The following INTS9 variants were observed in gnomAD, a reference collection of about 807,000 sequenced individuals.
INTS9 encodes the protein integrator complex subunit 9, also known as protein related to CPSF subunits of 74 kDa.
A neutral mutation model predicts 79.7 loss-of-function variants in INTS9; 55 were observed. That is an observed-to-expected ratio of 0.69 (90% confidence interval 0.56 to 0.86). The LOEUF (loss-of-function observed/expected upper bound fraction) is 0.86. Among genes scored for constraint, INTS9 ranks in the 40% least tolerant of loss-of-function variants. The pLI is 0.00. For missense variants in INTS9, 721 were observed against 831.5 expected (o/e 0.87, Z 1.64); for synonymous variants, 319 against 325.2 (o/e 0.98, Z 0.20).
intron 16 of INTS9, chr8:28,769,573 T>C: frequency 4.7e-6 from 1 of 214,060 alleles, no homozygotes; most frequent in South Asian, 1.3e-4. Context: ...TGCAAGACTC[T>C]GGCAGGGCCG....
intron 1 of INTS9, among the ~76,000 whole-genome samples, chr8:28,867,715 G>A (rs1196977698): frequency 2.0e-5 from 3 of 148,960 alleles, no homozygotes; most frequent in African/African-American, 7.5e-5. Context: ...TGGGTAACAA[G>A]TCTGTTTTTT....
chr8:28,881,516 G>T (rs1585534744), intron 1 of INTS9, among the ~76,000 whole-genome samples: 1 of 131,452 alleles, frequency 7.6e-6, no homozygotes, highest in Admixed American at 7.4e-5. Context: ...CGCCCCGTCC[G>T]GGAGGGAGGT....
At chr8:28,835,137 G>A (rs761743666) in intron 6 of INTS9, among the ~76,000 whole-genome samples, 155 bp downstream of exon 6, 1 of 152,194 alleles carries the variant, frequency 6.6e-6, no homozygotes, top group Non-Finnish European at 1.5e-5. Context: ...AAAAATGTTG[G>A]TTGAATCAAA....
At chr8:28,874,102 T>C (rs899786354) in intron 1 of INTS9, among the ~76,000 whole-genome samples, 54 of 149,146 alleles carry the variant, frequency 3.6e-4, no homozygotes, top group African/African-American at 1.4e-3. Context: ...GCTCCCTAAT[T>C]CTTCTTGTTT....
chr8:28,790,508 T>C (rs1265143147), intron 10 of INTS9, among the ~76,000 whole-genome samples: 1 of 152,148 alleles, frequency 6.6e-6, no homozygotes, highest in Admixed American at 6.5e-5. Flanking sequence ...TTTAATCTTT[T>C]GTGGAAATGA....
intron 2 of INTS9, among the ~76,000 whole-genome samples, chr8:28,857,155 C>G (rs939590678): frequency 3.9e-5 from 6 of 152,256 alleles, no homozygotes. Flanking sequence ...CATGTCTTTA[C>G]TATTATGAAT....
chr8:28,838,061 C>T (rs1806917275), intron 4 of INTS9, among the ~76,000 whole-genome samples: 1 of 151,934 alleles, frequency 6.6e-6, no homozygotes, highest in Non-Finnish European at 1.5e-5. Context: ...TAAATGACAG[C>T]AGGACCCTTC....
chr8:28,783,199 T>G (rs1250464273), intron 11 of INTS9, among the ~76,000 whole-genome samples: 25 of 150,928 alleles, frequency 1.7e-4, no homozygotes, highest in Non-Finnish European at 1.5e-5. Flanking sequence ...CTCAAAGCTT[T>G]CTTTCAAGTG....
At chr8:28,878,925 A>C (rs1809546388) in intron 1 of INTS9, among the ~76,000 whole-genome samples, 1 of 151,812 alleles carries the variant, frequency 6.6e-6, no homozygotes, top group Non-Finnish European at 1.5e-5. Flanking sequence ...GATTGCAGTG[A>C]GCCAAGATTG....
intron 9 of INTS9, among the ~76,000 whole-genome samples, chr8:28,795,639 CAAAAAAAAAAAAAA>C (rs56910832): frequency 2.8e-5 from 2 of 70,806 alleles, no homozygotes; most frequent in African/African-American, 1.1e-4. Flanking sequence ...GACTCCGTCT[CAAAAAAAAAAAAAA>C]AAAAAAAAAA....
At chr8:28,880,432 T>C (rs903245858) in intron 1 of INTS9, among the ~76,000 whole-genome samples, 1 of 150,080 alleles carries the variant, frequency 6.7e-6, no homozygotes, top group Admixed American at 6.6e-5. Flanking sequence ...CTGGTTTTCG[T>C]TTTTTTTTGG....
At chr8:28,879,039 AGAG>A (rs1809553843) in intron 1 of INTS9, among the ~76,000 whole-genome samples, 1 of 152,162 alleles carries the variant, frequency 6.6e-6, no homozygotes, top group South Asian at 2.1e-4. Flanking sequence ...TGTAGAACAT[AGAG>A]GAGGTACAGA....
At chr8:28,787,142 G>A (rs1281796304) in intron 11 of INTS9, among the ~76,000 whole-genome samples, 2 of 152,182 alleles carry the variant, frequency 1.3e-5, no homozygotes, top group African/African-American at 4.8e-5. Context: ...AACATGAGAC[G>A]CAGAAAAACG....
intron 1 of INTS9, among the ~76,000 whole-genome samples, chr8:28,879,912 G>A (rs922259394): frequency 6.6e-5 from 10 of 152,046 alleles, no homozygotes; most frequent in Admixed American, 1.3e-4. Context: ...GGTAGTAACG[G>A]AGATCTTTTT....
In INTS9 at chr8:28,835,350, T is replaced by A; in HGVS notation, c.430A>T (p.Ile144Phe). The change falls in exon 6 of 17, where the codon ATT (isoleucine) becomes TTT (phenylalanine). Residue 144 changes from isoleucine to phenylalanine, a missense_variant. Ile to Phe is a conservative substitution (Grantham distance 21). Transcript: ENST00000521022. ...RLLMEELVNF[I>F]ERVPKAQSAS... ...GACTGAGCCTTTGGCACTCTTTCAA[T>A]GAAATTCACCAGCTCTTCCATGAGA... 1 of 1,613,758 alleles carries A rather than the reference T, an allele frequency of 6.2e-7. No homozygotes were observed. Among genetic ancestry groups the A allele is most frequent in the Non-Finnish European group, 8.5e-7 (1 of 1,179,784 alleles).
intron 1 of INTS9, among the ~76,000 whole-genome samples, chr8:28,879,550 C>T (rs1809581825): frequency 6.6e-6 from 1 of 152,076 alleles, no homozygotes; most frequent in Non-Finnish European, 1.5e-5. Context: ...CAACACTGTA[C>T]TGGAGGGTCT....
chr8:28,775,906 A>G lies in INTS9; in HGVS notation c.1416T>C (p.Pro472=), dbSNP rs1259734699. 1.3e-5 allele frequency: 20 copies of G among 1,579,758 alleles called. No homozygotes were observed. Among genetic ancestry groups the G allele is most frequent in the Non-Finnish European group, 1.5e-5 (17 of 1,162,928 alleles). Residue 472 remains proline, a synonymous_variant, in exon 14 of 17, where the codon CCT becomes CCC. Transcript: ENST00000521022. ...CTGGGGGCGGCTGAGTGTACTGCTC[A>G]GGACACACCACGTGCAGGGGCTGAG... ...KEVQPLHVVC[P]EQYTQPPPAQ...
chr8:28,774,816 C>T (rs555229924), intron 14 of INTS9, among the ~76,000 whole-genome samples: 6 of 152,328 alleles, frequency 3.9e-5, no homozygotes, highest in African/African-American at 1.4e-4. Context: ...CTCCAACCAT[C>T]CTCAACGCTG....
intron 11 of INTS9, among the ~76,000 whole-genome samples, chr8:28,786,882 T>C (rs1312054819): frequency 6.6e-6 from 1 of 152,144 alleles, no homozygotes. Context: ...CACGCCTGGC[T>C]AATTTTTTGT....
Sources: allele counts gnomAD v4.1 joint callset (sites outside exome capture counted in the v4.1 genomes callset), GRCh38; gene constraint gnomAD v4.1.1; transcripts MANE v1.5; gene names NCBI Gene and HGNC (gene_info 2026-07-23, HGNC 2026-07-21).